Variants in TGM5 observed in about 807,000 individuals in gnomAD.
TGM5 encodes protein-glutamine gamma-glutamyltransferase 5.
A neutral mutation model predicts 77.2 loss-of-function variants in TGM5; 69 were observed. The ratio of observed to expected loss-of-function variants is 0.89; its 90% confidence interval spans 0.74 to 1.09. TGM5 has a LOEUF of 1.09. Ranked by LOEUF, TGM5 falls within the 50% of genes least tolerant of loss-of-function variation. TGM5 has a pLI of 0.00. For synonymous variants in TGM5, 346 were observed against 351.8 expected (o/e 0.98, Z 0.18); for missense variants, 842 against 896.5 (o/e 0.94, Z 0.78).
At chr15:43,266,180 T>C (rs913748670) in intron 1 of TGM5, among the ~76,000 whole-genome samples, 4 of 152,232 alleles carry the variant, frequency 2.6e-5, no homozygotes, top group Non-Finnish European at 4.4e-5. Context: ...TTAAAAGTTA[T>C]GAAAATTTTA....
intron 1 of TGM5, among the ~76,000 whole-genome samples, chr15:43,262,427 G>T (rs571115262): frequency 2.0e-5 from 3 of 152,294 alleles, no homozygotes; most frequent in Middle Eastern, 3.4e-3. Flanking sequence ...TTTTCAAAGT[G>T]AATCAGCGAA....
At position 43,252,950 on chromosome 15, in the gene TGM5, A is replaced by G. The variant is rs1201648032; in HGVS notation, c.685-14T>C. On this transcript the variant is annotated splice_polypyrimidine_tract_variant and intron_variant, in intron 5 of 12. Transcript: ENST00000220420. ...ATTGCTGTTGATCTGAAGAGAAGCCATATAGAGAAGTGTTAGAAACATCCA... is the reference window on the plus strand; with the variant it reads ...ATTGCTGTTGATCTGAAGAGAAGCCGTATAGAGAAGTGTTAGAAACATCCA... 6 of 1,611,846 alleles carry G rather than the reference A, an allele frequency of 3.7e-6. No homozygotes were observed. The highest frequency in any genetic ancestry group is 2.2e-5 in the East Asian group (1 of 44,892).
At chr15:43,246,219 A>G (rs997640182) in intron 6 of TGM5, among the ~76,000 whole-genome samples, 1 of 152,200 alleles carries the variant, frequency 6.6e-6, no homozygotes, top group Non-Finnish European at 1.5e-5. Flanking sequence ...CAAAAAAGTC[A>G]CATATTGAAT....
At chr15:43,256,798 A>G in intron 3 of TGM5, 112 bp from the exon 4 acceptor site, 1 of 819,614 alleles carries the variant, frequency 1.2e-6, no homozygotes. Context: ...GCCCCTGGCG[A>G]CACCAAGAGG....
chr15:43,252,781 G>C lies in TGM5; in HGVS notation c.840C>G (p.Val280=), dbSNP rs1418432944. The C allele has an allele frequency of 6.2e-7, 1 of 1,614,044 alleles. No homozygotes were observed. ...TACCTGTGCACATGACGGCAGCAAAGACCCAGCATTGCCCGTAGCGCACGG... is the reference window on the plus strand; with the variant it reads ...TACCTGTGCACATGACGGCAGCAAACACCCAGCATTGCCCGTAGCGCACGG... ...CQPVRYGQCW[V]FAAVMCTVMR... The change falls in exon 6 of 13, where the codon GTC becomes GTG. Residue 280 remains valine, a synonymous_variant. Coordinates refer to ENST00000220420, the MANE Select transcript of TGM5 (RefSeq NM_201631.4).
At chr15:43,234,710 C>T in intron 11 of TGM5, 59 bp downstream of exon 11, 1 of 1,610,662 alleles carries the variant, frequency 6.2e-7, no homozygotes, top group Non-Finnish European at 8.5e-7. Flanking sequence ...CACAGGGCTT[C>T]ACCCCCTCCC....
rs1054154234 is a variant in TGM5 at position 43,242,702 on chromosome 15, G to A, written c.863-1712C>T. Among the ~76,000 whole-genome samples, 6 of 152,238 alleles carry A rather than the reference G, an allele frequency of 3.9e-5. No homozygotes were observed. In the East Asian group the frequency reaches 7.7e-4, roughly 20 times the overall value. ...AAGGGAGGGGAGAAGCCCAAAGGGAGCCTTGAGCTCGCGTGGCAGGTTTGA... is the reference window on the plus strand; with the variant it reads ...AAGGGAGGGGAGAAGCCCAAAGGGAACCTTGAGCTCGCGTGGCAGGTTTGA... On this transcript the variant is annotated intron_variant, in intron 6 of 12. Coordinates refer to ENST00000220420, the MANE Select transcript of TGM5 (RefSeq NM_201631.4).
At chr15:43,260,727 G>T in intron 1 of TGM5, 148 bp from the exon 2 acceptor site, 2 of 831,554 alleles carry the variant, frequency 2.4e-6, no homozygotes, top group Non-Finnish European at 4.0e-6. Context: ...AGATCAGCCT[G>T]CCAGGATGAG....
rs1004414598 is a variant in TGM5, at chr15:43,252,831, G to T, written c.790C>A (p.Gln264Lys). 2 of 1,614,024 alleles carry T rather than the reference G, an allele frequency of 1.2e-6. No homozygotes were observed. Among genetic ancestry groups the T allele is most frequent in the Admixed American group, 1.7e-5 (1 of 60,032 alleles). Residue 264 changes from glutamine to lysine, a missense_variant, in exon 6 of 13, where the codon CAG becomes AAG. Physicochemically the swap from Gln to Lys is moderately conservative, Grantham distance 53. Transcript: ENST00000220420. ...GGCTGGCAGCCTGTGGCGTTCCACT[G>T]CTTCAGGATGGCCACGCTGCCCGTC... The part of the protein sequence containing the change: ...EWTGSVAILK[Q>K]WNATGCQPVR...
Position 43,266,872 on chromosome 15 carries a change from G to A in TGM5, c.-23C>T. 1 of 1,613,986 alleles carries A rather than the reference G, an allele frequency of 6.2e-7. No individual in the cohort carries two copies. Among genetic ancestry groups the A allele is most frequent in the Non-Finnish European group, 8.5e-7 (1 of 1,180,036 alleles). On this transcript the variant is annotated 5_prime_UTR_variant, in exon 1 of 13. Coordinates refer to ENST00000220420, the MANE Select transcript of TGM5 (RefSeq NM_201631.4). ...CATGGTAGCTGCCTCCGGTTCCTGG[G>A]ATGCTCCCCACAGAACAGCTGGGCG...
rs566266313 is a variant in TGM5, at chr15:43,257,332, A to G, written c.437-646T>C. ...GACGTAAGGCAGCAAAATCGTGTACATGGACGTGGAAATCTGTATGTGATA... is the reference window on the plus strand; with the variant it reads ...GACGTAAGGCAGCAAAATCGTGTACGTGGACGTGGAAATCTGTATGTGATA... On this transcript the variant is annotated intron_variant, in intron 3 of 12. Transcript: ENST00000220420. Among the ~76,000 whole-genome samples the G allele has an allele frequency of 5.3e-4, 80 of 152,354 alleles. 1 individual carries two copies. The highest frequency in any genetic ancestry group is 5.3e-4 in the Non-Finnish European group (36 of 68,032).
rs2042558185 is a variant in TGM5, at chr15:43,233,109, T to C, written c.*82A>G. On this transcript the variant is annotated 3_prime_UTR_variant, in exon 13 of 13. Transcript: ENST00000220420. The stretch of plus-strand genomic sequence containing the variant: ...GAGCCCTGTGAAGCCTCTGTTGTGG[T>C]GGGGAATGGCGCAGCTTGCATTTGA... The C allele has an allele frequency of 6.4e-7, 1 of 1,558,000 alleles. No individual in the cohort carries two copies.
chr15:43,235,011 A>G, intron 10 of TGM5, 82 bp from the exon 11 acceptor site: 2 of 1,518,074 alleles, frequency 1.3e-6, no homozygotes, highest in South Asian at 1.1e-5. Context: ...TCTCTTCCAC[A>G]GAGAAGAGAA....
At chr15:43,257,728 G>A (rs2042752594) in intron 3 of TGM5, among the ~76,000 whole-genome samples, 1 of 152,102 alleles carries the variant, frequency 6.6e-6, no homozygotes, top group African/African-American at 2.4e-5. Flanking sequence ...CCATTACTGG[G>A]CATATACCCA....
chr15:43,237,383 G>C lies in TGM5; in HGVS notation c.1345+1434C>G, dbSNP rs368428855. 5.3e-5 allele frequency among the ~76,000 whole-genome samples: 8 copies of C among 152,326 alleles called. No individual in the cohort carries two copies. The East Asian group carries it at 5.8e-4, about 11-fold the overall frequency. ...AGCCCTCAACTCATGACCAACAGGA[G>C]TTGATGGATAAACACCCTAGCCCCT... On this transcript the variant is annotated intron_variant, in intron 9 of 12. Transcript: ENST00000220420.
rs199676346 is a variant in TGM5, at chr15:43,261,060, C to CTTTTTTTTTT, written c.11-482_11-481insAAAAAAAAAA. Among the ~76,000 whole-genome samples, 12 of 90,588 alleles carry CTTTTTTTTTT rather than the reference C, an allele frequency of 1.3e-4. 2 individuals are homozygous for CTTTTTTTTTT. Among genetic ancestry groups the CTTTTTTTTTT allele is most frequent in the African/African-American group, 5.7e-4 (9 of 15,792 alleles). 59.4% of individuals were successfully genotyped at this position (90,588 alleles called of 152,430 possible). ...TAACTCCTTGGGCTAGCTGCTCTTC[C>CTTTTTTTTTT]TTTTTTTGTGTGTGTGTTTTTTTTT... On this transcript the variant is annotated intron_variant, in intron 1 of 12. Transcript: ENST00000220420.
At position 43,232,974 on chromosome 15, in the gene TGM5, G is replaced by A; in HGVS notation, c.*217C>T. The A allele has an allele frequency of 1.7e-6, 1 of 603,774 alleles. No individual in the cohort carries two copies. The highest frequency in any genetic ancestry group is 2.9e-6 in the Non-Finnish European group (1 of 345,214). 37.4% of individuals were successfully genotyped at this position (603,774 alleles called of 1,614,324 possible). A position where few individuals can be genotyped will look rare whatever the true frequency, so the allele number is the denominator to read the frequency against. On this transcript the variant is annotated 3_prime_UTR_variant, in exon 13 of 13. Transcript: ENST00000220420. ...TAGCATATGCCAGAAATGGTTCTGA[G>A]TATAGGGGTAGTAAACAAAGCAAAG...
At position 43,260,095 on chromosome 15, in the gene TGM5, G is replaced by T. The variant is rs755448082; in HGVS notation, c.393C>A (p.Tyr131Ter). 1.2e-6 allele frequency: 2 copies of T among 1,614,140 alleles called. No individual in the cohort carries two copies. Among genetic ancestry groups the T allele is most frequent in the South Asian group, 2.2e-5 (2 of 91,082 alleles). Residue 131 changes from tyrosine (Y) to a stop codon, truncating the protein, a stop_gained, in exon 3 of 13, where the codon TAC becomes TAA. Transcript: ENST00000220420. LOFTEE classifies it high-confidence loss of function. ...IDSFQGSVTA[Y>*]QLGEFILLFN... ...AAAGCAGGATGAACTCCCCTAGCTG[G>T]TAGGCCGTCACAGACCCCTGGAAGG...
intron 6 of TGM5, among the ~76,000 whole-genome samples, chr15:43,244,904 C>CA (rs1215413710): frequency 6.6e-6 from 1 of 151,588 alleles, no homozygotes; most frequent in East Asian, 1.9e-4. Context: ...TTCACCTCTA[C>CA]AAAAAAATAA....
Sources: gnomAD v4.1 joint callset for allele counts (sites outside exome capture counted in the v4.1 genomes callset) on GRCh38, gnomAD v4.1.1 for gene constraint, MANE v1.5 for transcripts, NCBI Gene and HGNC (gene_info 2026-07-23, HGNC 2026-07-21) for gene names.